The following MEI4 variants were observed in gnomAD, a reference collection of about 807,000 sequenced individuals.
MEI4 encodes meiotic double-stranded break formation protein 4.
MEI4 carries 27 observed loss-of-function variants against 31.4 expected under a neutral mutation model. The observed-to-expected ratio is 0.86, with a 90% CI of 0.63 to 1.19. The LOEUF (loss-of-function observed/expected upper bound fraction) is 1.19, where lower values mean the gene tolerates loss of function less well. Among genes scored for constraint, MEI4 ranks in the 50% most tolerant of loss-of-function variants. The pLI is 0.00. For synonymous variants in MEI4, 122 were observed against 145.4 expected, an observed-to-expected ratio of 0.84 and a Z score of 1.16; for missense variants, 329 against 398.9, an observed-to-expected ratio of 0.82 and a Z score of 1.49.
intron 3 of MEI4, among the ~76,000 whole-genome samples, chr6:77,800,024 C>G (rs1253277889): frequency 6.6e-6 from 1 of 152,086 alleles, no homozygotes; most frequent in Non-Finnish European, 1.5e-5. Flanking sequence ...TTTTCCAATT[C>G]TGTGAAGAAA....
intron 2 of MEI4, among the ~76,000 whole-genome samples, chr6:77,712,496 G>C (rs1025711432): frequency 2.0e-5 from 3 of 152,148 alleles, no homozygotes; most frequent in Non-Finnish European, 4.4e-5. Flanking sequence ...AATAGAAGTG[G>C]TGTGATGTTA....
intron 2 of MEI4, among the ~76,000 whole-genome samples, chr6:77,754,963 C>A (rs1767875009): frequency 6.6e-6 from 1 of 152,092 alleles, no homozygotes; most frequent in Non-Finnish European, 1.5e-5. Context: ...AATGGGGACA[C>A]AGAACCAAGC....
chr6:77,793,747 T>C (rs1016336284), intron 3 of MEI4, among the ~76,000 whole-genome samples: 5 of 152,140 alleles, frequency 3.3e-5, no homozygotes, highest in African/African-American at 1.2e-4. Context: ...TAAGGTGCTT[T>C]ATGCAAGCTT....
chr6:77,914,044 A>AAC (rs1365301601), intron 4 of MEI4, among the ~76,000 whole-genome samples: 1 of 151,140 alleles, frequency 6.6e-6, no homozygotes, highest in African/African-American at 2.4e-5. Flanking sequence ...GAAAAAAAAA[A>AAC]AAAACTTTCG....
intron 3 of MEI4, among the ~76,000 whole-genome samples, chr6:77,813,198 A>G (rs913119021): frequency 6.6e-5 from 10 of 152,098 alleles, no homozygotes; most frequent in Non-Finnish European, 1.0e-4. Flanking sequence ...ATTGCTTAAC[A>G]TAGGGTCAGT....
At chr6:77,753,049 A>T (rs1561975187) in intron 2 of MEI4, among the ~76,000 whole-genome samples, 1 of 152,236 alleles carries the variant, frequency 6.6e-6, no homozygotes, top group Non-Finnish European at 1.5e-5. Flanking sequence ...GGCTAGCCAT[A>T]TGCAGAAAGC....
At chr6:77,708,470 G>T (rs546927500) in intron 2 of MEI4, among the ~76,000 whole-genome samples, 2 of 152,320 alleles carry the variant, frequency 1.3e-5, no homozygotes, top group South Asian at 4.1e-4. Flanking sequence ...ACTTTAAGTT[G>T]ATGCTGAAAC....
chr6:77,888,143 T>G (rs1771668944), intron 4 of MEI4, among the ~76,000 whole-genome samples: 1 of 152,198 alleles, frequency 6.6e-6, no homozygotes, highest in African/African-American at 2.4e-5. Context: ...TCACTTTGTA[T>G]GCATCTTTGA....
intron 4 of MEI4, among the ~76,000 whole-genome samples, chr6:77,874,182 TA>T (rs1432243543): frequency 6.6e-6 from 1 of 152,150 alleles, no homozygotes; most frequent in East Asian, 1.9e-4. Flanking sequence ...TTGAATCTAT[TA>T]ATTACCTTGG....
intron 4 of MEI4, 26 bp from the exon 5 acceptor site, chr6:77,923,063 T>A (rs1454640431): frequency 2.4e-6 from 3 of 1,225,350 alleles, no homozygotes; most frequent in Non-Finnish European, 3.1e-6. Context: ...CCCAATTTTT[T>A]AAAGGAGTTT....
In MEI4 at chr6:77,770,846, G is replaced by A. The variant is rs149532632; in HGVS notation, c.768+9181G>A. On this transcript the variant is annotated intron_variant, in intron 3 of 4. Transcript: ENST00000684080. ...AATAACTGCTAAAACCCTGGGAGAT[G>A]ACCTAGGAAATACCATTCTGGACAG... Among the ~76,000 whole-genome samples, 212 of 152,124 alleles carry A rather than the reference G, an allele frequency of 1.4e-3. 1 individual carries two copies. Among genetic ancestry groups the A allele is most frequent in the African/African-American group, 4.5e-3 (186 of 41,544 alleles).
At chr6:77,836,690 A>G (rs1770225999) in intron 4 of MEI4, among the ~76,000 whole-genome samples, 1 of 152,132 alleles carries the variant, frequency 6.6e-6, no homozygotes, top group African/African-American at 2.4e-5. Flanking sequence ...AAAAGTAATC[A>G]TAGCTCTGAG....
intron 4 of MEI4, among the ~76,000 whole-genome samples, chr6:77,907,974 T>G (rs1766338125): frequency 6.6e-6 from 1 of 150,558 alleles, no homozygotes. Flanking sequence ...TTCATATCCT[T>G]CACGCACTTG....
chr6:77,904,711 T>C lies in MEI4; in HGVS notation c.901-18378T>C, dbSNP rs142094482. The stretch of plus-strand genomic sequence containing the variant: ...CACATTTTCTTTATCCAGTCCACGG[T>C]TGATGAGCAGTTAGGTTGATTCCAT... On this transcript the variant is annotated intron_variant, in intron 4 of 4. Coordinates refer to ENST00000684080, the MANE Select transcript of MEI4 (RefSeq NM_001322247.2). 2.6e-5 allele frequency among the ~76,000 whole-genome samples: 4 copies of C among 152,276 alleles called. No homozygotes were observed. In the East Asian group the frequency reaches 7.7e-4, roughly 29 times the overall value.
At chr6:77,855,068 G>T (rs1770714043) in intron 4 of MEI4, among the ~76,000 whole-genome samples, 1 of 152,116 alleles carries the variant, frequency 6.6e-6, no homozygotes, top group Non-Finnish European at 1.5e-5. Flanking sequence ...TCCGGGTGTG[G>T]TGGCTCATAC....
intron 1 of MEI4, among the ~76,000 whole-genome samples, chr6:77,666,067 C>G (rs2926077): frequency 0.31 from 46,735 of 152,004 alleles, 7,512 homozygotes; most frequent in South Asian, 0.42. Context: ...TTTATTTCAC[C>G]TGGGTGCAGG....
intron 2 of MEI4, among the ~76,000 whole-genome samples, chr6:77,714,930 A>G (rs1479963521): frequency 6.6e-6 from 1 of 152,184 alleles, no homozygotes; most frequent in Non-Finnish European, 1.5e-5. Flanking sequence ...TTTGACAGAA[A>G]TGCCTTTTTG....
chr6:77,819,938 ATCTTAC>A (rs1769777536), intron 3 of MEI4, among the ~76,000 whole-genome samples: 1 of 152,046 alleles, frequency 6.6e-6, no homozygotes, highest in Non-Finnish European at 1.5e-5. Flanking sequence ...CTTTTACAAT[ATCTTAC>A]TTTTACGTGT....
intron 4 of MEI4, among the ~76,000 whole-genome samples, chr6:77,870,513 A>T (rs919913891): frequency 6.6e-6 from 1 of 152,228 alleles, no homozygotes; most frequent in African/African-American, 2.4e-5. Context: ...TTTGTAAAGC[A>T]GTATGTCCAA....
Sources: allele counts gnomAD v4.1 joint callset (sites outside exome capture counted in the v4.1 genomes callset), GRCh38; gene constraint gnomAD v4.1.1; transcripts MANE v1.5; gene names NCBI Gene and HGNC (gene_info 2026-07-23, HGNC 2026-07-21).